The following FHIT variants were observed in gnomAD, a reference collection of about 807,000 sequenced individuals.
The protein encoded by FHIT is bis(5'-adenosyl)-triphosphatase.
In FHIT, 19 loss-of-function variants were observed where a neutral mutation model predicts 17.9. The ratio of observed to expected loss-of-function variants is 1.06; its 90% CI spans 0.74 to 1.56. FHIT has a LOEUF of 1.56. Among genes scored for constraint, FHIT ranks in the 40% most tolerant of loss-of-function variants. The pLI, the probability that FHIT is intolerant of heterozygous loss-of-function variation, is 0.00. For synonymous variants in FHIT, 81 were observed against 69.7 expected, an observed-to-expected ratio of 1.16 and a Z score of -0.81; for missense variants, 248 against 189.2, an observed-to-expected ratio of 1.31 and a Z score of -1.82.
intron 5 of FHIT, among the ~76,000 whole-genome samples, chr3:60,347,802 A>G (rs1710869156): frequency 6.6e-6 from 1 of 151,342 alleles, no homozygotes. Flanking sequence ...CTTGTTGCCC[A>G]GGCTGGAGTG....
At chr3:60,927,713 G>A (rs927007141) in intron 3 of FHIT, among the ~76,000 whole-genome samples, 46 of 150,566 alleles carry the variant, frequency 3.1e-4, no homozygotes, top group Admixed American at 6.6e-4. Flanking sequence ...CCCGGCAGCC[G>A]CCCCGTCTGT....
chr3:60,936,225 A>G (rs1006349305), intron 3 of FHIT, among the ~76,000 whole-genome samples: 1 of 152,228 alleles, frequency 6.6e-6, no homozygotes, highest in Non-Finnish European at 1.5e-5. Flanking sequence ...TAATGCAGAA[A>G]GACTAGGAAT....
intron 4 of FHIT, among the ~76,000 whole-genome samples, chr3:60,642,235 G>A (rs1007092450): frequency 3.3e-5 from 5 of 152,202 alleles, no homozygotes; most frequent in South Asian, 4.1e-4. Context: ...AGACAAGGTC[G>A]CCTAATAGGC....
chr3:61,239,744 C>CAAAG (rs2040320800), intron 1 of FHIT, among the ~76,000 whole-genome samples: 1 of 65,704 alleles, frequency 1.5e-5, no homozygotes, highest in African/African-American at 1.1e-4. Flanking sequence ...AATAAAACTG[C>CAAAG]AAAGAAAAAC....
intron 7 of FHIT, among the ~76,000 whole-genome samples, chr3:59,929,043 G>T (rs1183648733): frequency 6.7e-6 from 1 of 148,920 alleles, no homozygotes; most frequent in African/African-American, 2.5e-5. Context: ...ACAAATGCTG[G>T]CAAGGAAGTG....
At position 60,487,451 on chromosome 3, in the gene FHIT, C is replaced by A. The variant is rs868772919; in HGVS notation, c.103+49409G>T. Among the ~76,000 whole-genome samples the A allele has an allele frequency of 9.8e-5, 15 of 152,298 alleles. No individual in the cohort carries two copies. The Middle Eastern group carries it at 0.024, about 242-fold the overall frequency. On this transcript the variant is annotated intron_variant, in intron 5 of 9. Transcript: ENST00000492590. Reference sequence around the variant, plus strand: ...GTAGGGGATCCATCCATGAAAGCAACAATTGAGAGACTTCTACATTCTGCT... The same window carrying A: ...GTAGGGGATCCATCCATGAAAGCAAAAATTGAGAGACTTCTACATTCTGCT...
intron 8 of FHIT, among the ~76,000 whole-genome samples, chr3:59,903,207 T>C (rs1704414858): frequency 6.6e-6 from 1 of 152,218 alleles, no homozygotes; most frequent in Non-Finnish European, 1.5e-5. Context: ...TAATGTATGA[T>C]GCCATTTATA....
chr3:60,292,463 G>A (rs80070266), intron 5 of FHIT, among the ~76,000 whole-genome samples: 5,321 of 152,094 alleles, frequency 0.035, 329 homozygotes, highest in African/African-American at 0.12. Flanking sequence ...GTTAGCTGCC[G>A]TCCATTTCTC....
chr3:60,099,030 T>C (rs1204146016), intron 5 of FHIT, among the ~76,000 whole-genome samples: 10 of 152,170 alleles, frequency 6.6e-5, no homozygotes, highest in Non-Finnish European at 1.3e-4. Context: ...GATTTGACTG[T>C]TGACCACTGG....
At position 60,161,750 on chromosome 3, in the gene FHIT, C is replaced by A. The variant is rs192355883; in HGVS notation, c.104-147598G>T. 3.8e-3 allele frequency among the ~76,000 whole-genome samples: 584 copies of A among 151,832 alleles called. 4 individuals carry two copies. Among genetic ancestry groups the A allele is most frequent in the African/African-American group, 0.013 (527 of 41,374 alleles). The stretch of plus-strand genomic sequence containing the variant: ...AAGCAGGTGTGTGCCTCTATGTCTA[C>A]TACATGAAAGGAAAACAGGGCTGAA... On this transcript the variant is annotated intron_variant, in intron 5 of 9. Coordinates refer to ENST00000492590, the MANE Select transcript of FHIT (RefSeq NM_002012.4).
chr3:60,026,421 T>C lies in FHIT; in HGVS notation c.104-12269A>G, dbSNP rs75625206. Among the ~76,000 whole-genome samples, 264 of 152,274 alleles carry C rather than the reference T, an allele frequency of 1.7e-3. 1 individual carries two copies. The Middle Eastern group carries it at 0.02, about 12-fold the overall frequency. On this transcript the variant is annotated intron_variant, in intron 5 of 9. Transcript: ENST00000492590. ...TGAAACAGTGTCTCACTAGCACCAG[T>C]GTTATCGTTTGGAACCCAGATCTTC...
At chr3:60,745,053 G>A (rs1483955540) in intron 4 of FHIT, among the ~76,000 whole-genome samples, 1 of 152,054 alleles carries the variant, frequency 6.6e-6, no homozygotes, top group African/African-American at 2.4e-5. Flanking sequence ...TTTGAGACCT[G>A]CCAGGGCAAT....
chr3:61,131,748 A>T (rs1413026410), intron 2 of FHIT, among the ~76,000 whole-genome samples: 2 of 152,190 alleles, frequency 1.3e-5, no homozygotes, highest in African/African-American at 2.4e-5. Context: ...TTCGTTGTTT[A>T]TTGGGTATAA....
At chr3:60,033,586 A>T (rs1701091629) in intron 5 of FHIT, among the ~76,000 whole-genome samples, 1 of 152,230 alleles carries the variant, frequency 6.6e-6, no homozygotes. Context: ...GTCTTTAAAG[A>T]TACATGCTGA....
rs1576646420 is a variant in FHIT, at chr3:60,434,147, G to A, written c.103+102713C>T. Among the ~76,000 whole-genome samples, 4 of 152,086 alleles carry A rather than the reference G, an allele frequency of 2.6e-5. No individual in the cohort carries two copies. In the South Asian group the frequency reaches 8.3e-4, roughly 32 times the overall value. The stretch of plus-strand genomic sequence containing the variant: ...ACCATATTCAACCAATTACTTTAAT[G>A]ACAGTGGGTGGTTACTGTATACCTT... On this transcript the variant is annotated intron_variant, in intron 5 of 9. Transcript: ENST00000492590.
intron 5 of FHIT, among the ~76,000 whole-genome samples, chr3:60,476,431 G>C (rs1181431457): frequency 6.6e-6 from 1 of 152,172 alleles, no homozygotes; most frequent in Admixed American, 6.5e-5. Flanking sequence ...AAAAGTAACT[G>C]CTATAAGGGG....
rs551240215 is a variant in FHIT, at chr3:60,228,737, A to G, written c.104-214585T>C. Among the ~76,000 whole-genome samples the G allele has an allele frequency of 7.2e-5, 11 of 152,300 alleles. No individual in the cohort carries two copies. The South Asian group carries it at 1.4e-3, about 20-fold the overall frequency. Reference sequence around the variant, plus strand: ...TCTTACGAGACCCTTGAATAAAACAATATTAGATACCAACCAGTTCTTTGA... The same window carrying G: ...TCTTACGAGACCCTTGAATAAAACAGTATTAGATACCAACCAGTTCTTTGA... On this transcript the variant is annotated intron_variant, in intron 5 of 9. Coordinates refer to ENST00000492590, the MANE Select transcript of FHIT (RefSeq NM_002012.4).
chr3:60,186,517 A>T (rs531969278), intron 5 of FHIT, among the ~76,000 whole-genome samples: 6 of 152,230 alleles, frequency 3.9e-5, no homozygotes, highest in Non-Finnish European at 7.3e-5. Flanking sequence ...GCCAAGAGCA[A>T]CTTGACAGTG....
chr3:60,974,809 C>A (rs1179628086), intron 3 of FHIT, among the ~76,000 whole-genome samples: 6 of 152,090 alleles, frequency 3.9e-5, no homozygotes, highest in Non-Finnish European at 8.8e-5. Context: ...TACAGGATGC[C>A]CAAGACATGA....
Sources: allele counts gnomAD v4.1 joint callset (sites outside exome capture counted in the v4.1 genomes callset), GRCh38; gene constraint gnomAD v4.1.1; transcripts MANE v1.5; gene names NCBI Gene and HGNC (gene_info 2026-07-23, HGNC 2026-07-21).